Variants in MACROD2 observed in about 807,000 individuals in gnomAD.
The protein encoded by MACROD2 is ADP-ribose glycohydrolase MACROD2.
In MACROD2, 36 loss-of-function variants were observed where a neutral mutation model predicts 70.4. That is an observed-to-expected ratio of 0.51 (90% confidence interval 0.39 to 0.68). The LOEUF (loss-of-function observed/expected upper bound fraction) is 0.68, where lower values mean the gene tolerates loss of function less well. Ranked by LOEUF, MACROD2 falls within the 30% of genes least tolerant of loss-of-function variation. The probability of loss-of-function intolerance (pLI) is 0.00; values close to 1 mark genes in which losing one functional copy is unlikely to be tolerated. For missense variants in MACROD2, 496 were observed against 538.4 expected (o/e 0.92, Z 0.78); for synonymous variants, 172 against 178.8 (o/e 0.96, Z 0.30).
At chr20:15,196,267 G>GAA (rs58567238) in intron 5 of MACROD2, among the ~76,000 whole-genome samples, 8 of 142,598 alleles carry the variant, frequency 5.6e-5, no homozygotes, top group African/African-American at 1.3e-4. Flanking sequence ...ATTAAAAAAT[G>GAA]AAAAAAAAAA....
chr20:14,763,254 T>A (rs2072040797), intron 5 of MACROD2, among the ~76,000 whole-genome samples: 1 of 152,150 alleles, frequency 6.6e-6, no homozygotes, highest in Admixed American at 6.5e-5. Context: ...AGAAAGGTAT[T>A]CACAACATAC....
chr20:15,253,005 A>G (rs2077168966), intron 6 of MACROD2, among the ~76,000 whole-genome samples: 1 of 152,198 alleles, frequency 6.6e-6, no homozygotes, highest in African/African-American at 2.4e-5. Flanking sequence ...ATGGAGGTAG[A>G]ACCGTATACA....
intron 5 of MACROD2, among the ~76,000 whole-genome samples, chr20:14,798,526 C>T (rs2072537757): frequency 6.6e-6 from 1 of 151,944 alleles, no homozygotes; most frequent in Admixed American, 6.6e-5. Flanking sequence ...TTTTTTGTCT[C>T]ATCACTGGAT....
intron 6 of MACROD2, among the ~76,000 whole-genome samples, chr20:15,376,055 A>G (rs1370389573): frequency 6.6e-6 from 1 of 152,168 alleles, no homozygotes; most frequent in African/African-American, 2.4e-5. Context: ...GTCCATGTTT[A>G]CCAAATGATT....
chr20:15,204,463 G>T (rs998145947), intron 5 of MACROD2, among the ~76,000 whole-genome samples: 1 of 152,048 alleles, frequency 6.6e-6, no homozygotes, highest in African/African-American at 2.4e-5. Flanking sequence ...TCTCTGAATT[G>T]TAATGTGCTC....
At chr20:14,741,270 C>A (rs989372151) in intron 5 of MACROD2, among the ~76,000 whole-genome samples, 1 of 152,036 alleles carries the variant, frequency 6.6e-6, no homozygotes, top group Non-Finnish European at 1.5e-5. Flanking sequence ...TCCTTTAGAC[C>A]AAGCATCATG....
chr20:15,218,735 C>T (rs528101075), intron 5 of MACROD2, among the ~76,000 whole-genome samples: 11 of 152,158 alleles, frequency 7.2e-5, no homozygotes, highest in Admixed American at 2.6e-4. Context: ...GCAATTACTC[C>T]GGATTTTGAA....
chr20:14,594,394 A>G (rs972248924), intron 4 of MACROD2, among the ~76,000 whole-genome samples: 5 of 152,228 alleles, frequency 3.3e-5, no homozygotes, highest in African/African-American at 1.2e-4. Flanking sequence ...AAAAACTAAT[A>G]TAACACTTCC....
At chr20:15,897,298 A>G (rs1160552446) in intron 10 of MACROD2, among the ~76,000 whole-genome samples, 1 of 152,058 alleles carries the variant, frequency 6.6e-6, no homozygotes, top group Non-Finnish European at 1.5e-5. Flanking sequence ...TTTTAAGCTT[A>G]TCTGTTTTTC....
Position 15,435,962 on chromosome 20 carries a change from T to C in MACROD2, c.571+4527T>C, listed in dbSNP as rs145198668. On this transcript the variant is annotated intron_variant, in intron 7 of 17. Transcript: ENST00000684519. ...AAATACTTCTTCAGTCCTGGCTACT[T>C]GTCTCTTTCTCCTCTGTTTTTTGGT... is the stretch of plus-strand genomic sequence containing the variant. Among the ~76,000 whole-genome samples, 305 of 152,296 alleles carry C rather than the reference T, an allele frequency of 2.0e-3. 1 individual carries two copies. The highest frequency in any genetic ancestry group is 7.0e-3 in the African/African-American group (291 of 41,572).
At chr20:15,397,559 A>C (rs1489243024) in intron 6 of MACROD2, among the ~76,000 whole-genome samples, 1 of 152,180 alleles carries the variant, frequency 6.6e-6, no homozygotes, top group Non-Finnish European at 1.5e-5. Context: ...TTGGCCTCTC[A>C]AAGTTGGGAT....
intron 3 of MACROD2, among the ~76,000 whole-genome samples, chr20:14,460,630 A>C (rs923403662): frequency 1.3e-5 from 2 of 152,060 alleles, no homozygotes; most frequent in African/African-American, 2.4e-5. Context: ...TTTAGCATGA[A>C]GGGGTGTTGA....
At chr20:14,997,627 CCTTG>C (rs1198212566) in intron 5 of MACROD2, among the ~76,000 whole-genome samples, 3 of 152,136 alleles carry the variant, frequency 2.0e-5, no homozygotes, top group African/African-American at 7.2e-5. Flanking sequence ...AAATTCATGC[CCTTG>C]CTTCTTGACA....
intron 3 of MACROD2, among the ~76,000 whole-genome samples, chr20:14,182,098 C>T (rs1485298714): frequency 6.6e-6 from 1 of 152,200 alleles, no homozygotes; most frequent in African/African-American, 2.4e-5. Context: ...TTTTACATTC[C>T]TACCAGCCAT....
chr20:14,531,152 A>C (rs2085298620), intron 4 of MACROD2, among the ~76,000 whole-genome samples: 1 of 152,326 alleles, frequency 6.6e-6, no homozygotes, highest in Admixed American at 6.5e-5. Context: ...AGGCAGGTGT[A>C]GTAGATTGAA....
intron 3 of MACROD2, among the ~76,000 whole-genome samples, chr20:14,154,095 T>A (rs2055060221): frequency 6.6e-6 from 1 of 152,246 alleles, no homozygotes; most frequent in Non-Finnish European, 1.5e-5. Flanking sequence ...TTAACAGTGT[T>A]AGATCTACTA....
chr20:14,741,787 G>A (rs996327351), intron 5 of MACROD2, among the ~76,000 whole-genome samples: 2 of 151,838 alleles, frequency 1.3e-5, no homozygotes, highest in Non-Finnish European at 2.9e-5. Flanking sequence ...GTCACAAGGG[G>A]TCATAAATTC....
chr20:14,150,839 C>T (rs989182336), intron 3 of MACROD2, among the ~76,000 whole-genome samples: 5 of 152,084 alleles, frequency 3.3e-5, no homozygotes, highest in African/African-American at 1.2e-4. Context: ...TTTACCAGTA[C>T]AGGAAAATAT....
chr20:14,766,644 G>C (rs1833776465), intron 5 of MACROD2, among the ~76,000 whole-genome samples: 1 of 152,056 alleles, frequency 6.6e-6, no homozygotes, highest in Admixed American at 6.5e-5. Flanking sequence ...AAAGAAAAAT[G>C]GTTGCTTATG....
Sources: allele counts gnomAD v4.1 joint callset (sites outside exome capture counted in the v4.1 genomes callset), GRCh38; gene constraint gnomAD v4.1.1; transcripts MANE v1.5; gene names NCBI Gene and HGNC (gene_info 2026-07-23, HGNC 2026-07-21).